Variants in MAGI2 observed in about 807,000 individuals in gnomAD.
MAGI2 encodes the protein membrane associated guanylate kinase, WW and PDZ domain containing 2.
In MAGI2, 35 loss-of-function variants were observed where a neutral mutation model predicts 133.3. The observed-to-expected ratio is 0.26, with a 90% confidence interval of 0.20 to 0.35. The LOEUF (loss-of-function observed/expected upper bound fraction) is 0.35. MAGI2 is among the 10% of genes least tolerant of loss of function. The probability of loss-of-function intolerance (pLI) is 1.00; values close to 1 mark genes in which losing one functional copy is unlikely to be tolerated. For missense variants in MAGI2, 1,636 were observed against 1,863.4 expected (o/e 0.88, Z 2.25); for synonymous variants, 729 against 710.6 (o/e 1.03, Z -0.41).
intron 20 of MAGI2, among the ~76,000 whole-genome samples, chr7:78,081,794 A>G (rs939978117): frequency 3.9e-5 from 6 of 152,188 alleles, no homozygotes; most frequent in Admixed American, 2.6e-4. Flanking sequence ...TGACCTCACT[A>G]TGGAAAGTGG....
chr7:78,612,403 A>G (rs1462432681), intron 3 of MAGI2, among the ~76,000 whole-genome samples: 1 of 152,136 alleles, frequency 6.6e-6, no homozygotes, highest in African/African-American at 2.4e-5. Flanking sequence ...AAGGGAATGT[A>G]ACCAGCTAAC....
At chr7:78,193,076 A>T (rs1828392890) in intron 12 of MAGI2, among the ~76,000 whole-genome samples, 3 of 152,212 alleles carry the variant, frequency 2.0e-5, no homozygotes, top group South Asian at 2.1e-4. Context: ...CAGGGGCTGG[A>T]TAAAGAAATA....
intron 21 of MAGI2, among the ~76,000 whole-genome samples, chr7:78,036,828 G>C (rs1810278662): frequency 6.6e-6 from 1 of 152,060 alleles, no homozygotes; most frequent in Non-Finnish European, 1.5e-5. Flanking sequence ...TGCCCAGGCT[G>C]GTCTTGAACT....
chr7:78,068,591 T>C (rs2151155773), intron 21 of MAGI2, among the ~76,000 whole-genome samples: 1 of 152,268 alleles, frequency 6.6e-6, no homozygotes, highest in East Asian at 1.9e-4. Flanking sequence ...AACCTAAAAC[T>C]GCTCTAAAAA....
At chr7:78,568,551 C>T (rs767313598) in intron 3 of MAGI2, among the ~76,000 whole-genome samples, 8 of 152,084 alleles carry the variant, frequency 5.3e-5, no homozygotes, top group African/African-American at 1.9e-4. Context: ...ACCTCTTATC[C>T]GGTTTTATTA....
rs73137301 is a variant in MAGI2 at position 78,848,566 on chromosome 7, G to A, written c.418+158524C>T. On this transcript the variant is annotated intron_variant, in intron 2 of 21. Transcript: ENST00000354212. ...TAGAATAAAATCAAATCTCTGACAT[G>A]ATCAAAAAGGCTCTTCATGACCTAC... 2.0e-5 allele frequency among the ~76,000 whole-genome samples: 3 copies of A among 151,880 alleles called. No individual in the cohort carries two copies. The East Asian group carries it at 5.8e-4, about 29-fold the overall frequency.
chr7:79,063,314 C>G (rs1047020213), intron 1 of MAGI2, among the ~76,000 whole-genome samples: 1 of 151,960 alleles, frequency 6.6e-6, no homozygotes, highest in Non-Finnish European at 1.5e-5. Flanking sequence ...TACAGAAAAC[C>G]TTTTTTTAAA....
intron 2 of MAGI2, among the ~76,000 whole-genome samples, chr7:78,650,610 A>C (rs1811458872): frequency 6.6e-6 from 1 of 152,162 alleles, no homozygotes; most frequent in Admixed American, 6.5e-5. Context: ...ATGTATAGAC[A>C]GAGAAGAAGT....
chr7:78,502,442 C>G (rs116871987), intron 4 of MAGI2, among the ~76,000 whole-genome samples: 2 of 152,082 alleles, frequency 1.3e-5, no homozygotes, highest in South Asian at 2.1e-4. Flanking sequence ...GCTCTGCCAA[C>G]AAGGAACACA....
At chr7:79,410,358 T>G (rs1846062313) in intron 1 of MAGI2, 1 of 152,086 alleles carries the variant, frequency 6.6e-6, no homozygotes, top group African/African-American at 2.4e-5. Context: ...GGGAAGAAAT[T>G]GAAAAGATAA....
At chr7:78,873,801 C>A (rs1175521852) in intron 2 of MAGI2, among the ~76,000 whole-genome samples, 7 of 152,070 alleles carry the variant, frequency 4.6e-5, no homozygotes, top group Non-Finnish European at 1.0e-4. Context: ...AGTAGAATTT[C>A]TTTTGGGTGG....
chr7:78,523,783 T>TA (rs1428201197), intron 3 of MAGI2, among the ~76,000 whole-genome samples: 1 of 152,048 alleles, frequency 6.6e-6, no homozygotes, highest in Non-Finnish European at 1.5e-5. Context: ...ACCTGGTCTC[T>TA]CCCTTGACAT....
At chr7:78,463,121 C>T (rs1790238521) in intron 6 of MAGI2, among the ~76,000 whole-genome samples, 1 of 152,166 alleles carries the variant, frequency 6.6e-6, no homozygotes, top group Admixed American at 6.5e-5. Context: ...GTAATTTGCC[C>T]ATAGGGCCTG....
chr7:78,880,903 T>A (rs1272676042), intron 2 of MAGI2, among the ~76,000 whole-genome samples: 1 of 151,898 alleles, frequency 6.6e-6, no homozygotes, highest in Non-Finnish European at 1.5e-5. Context: ...ACAGAAAAGA[T>A]AAAAAGAGCA....
chr7:79,383,753 T>C (rs1274083031), intron 1 of MAGI2, among the ~76,000 whole-genome samples: 1 of 151,450 alleles, frequency 6.6e-6, no homozygotes, highest in Non-Finnish European at 1.5e-5. Flanking sequence ...AAAAAATACA[T>C]CTTTATTTTG....
At chr7:78,531,820 C>T (rs73376279) in intron 3 of MAGI2, among the ~76,000 whole-genome samples, 5,404 of 152,218 alleles carry the variant, frequency 0.036, 147 homozygotes, top group African/African-American at 0.064. Context: ...GAGACCTCTA[C>T]GACTATTTTT....
intron 2 of MAGI2, among the ~76,000 whole-genome samples, chr7:78,786,703 A>T (rs1826847770): frequency 6.6e-6 from 1 of 151,866 alleles, no homozygotes; most frequent in African/African-American, 2.4e-5. Flanking sequence ...ACACACATAC[A>T]CTTTCTAGTT....
At chr7:79,097,743 G>C (rs1485100371) in intron 1 of MAGI2, among the ~76,000 whole-genome samples, 1 of 152,186 alleles carries the variant, frequency 6.6e-6, no homozygotes, top group Non-Finnish European at 1.5e-5. Flanking sequence ...TCCACACTAT[G>C]ATGTATTATG....
chr7:78,432,523 G>A (rs776778476), intron 6 of MAGI2, among the ~76,000 whole-genome samples: 4 of 150,808 alleles, frequency 2.7e-5, no homozygotes, highest in Non-Finnish European at 4.5e-5. Context: ...GTCTTTCTTC[G>A]TTGTTGATTT....
Sources: allele counts gnomAD v4.1 joint callset (sites outside exome capture counted in the v4.1 genomes callset), GRCh38; gene constraint gnomAD v4.1.1; transcripts MANE v1.5; gene names NCBI Gene and HGNC (gene_info 2026-07-23, HGNC 2026-07-21).